Variants in RGS7 observed in about 807,000 individuals in gnomAD.
RGS7 encodes the protein regulator of G protein signaling 7.
RGS7 carries 27 observed loss-of-function variants against 81.1 expected under a neutral mutation model. That is an observed-to-expected ratio of 0.33 (90% CI 0.25 to 0.46). RGS7 has a LOEUF of 0.46. Among genes scored for constraint, RGS7 ranks in the 20% least tolerant of loss-of-function variants. The pLI is 1.00. For synonymous variants in RGS7, 208 were observed against 207.7 expected (o/e 1.00, Z -0.01); for missense variants, 396 against 607.4 (o/e 0.65, Z 3.66).
rs68166816 is a variant in RGS7 at position 241,162,222 on chromosome 1, G to GCGCCCCCCCCCCCCGCCCC, written c.79-63461_79-63460insGGGGCGGGGGGGGGGGGCG. Among the ~76,000 whole-genome samples, 24 of 142,118 alleles carry GCGCCCCCCCCCCCCGCCCC rather than the reference G, an allele frequency of 1.7e-4. 1 individual carries two copies. In the South Asian group the frequency reaches 2.2e-3, roughly 13 times the overall value. 93.2% of individuals were successfully genotyped at this position (142,118 alleles called of 152,430 possible). A position where few individuals can be genotyped will look rare whatever the true frequency, so the allele number is the denominator to read the frequency against. Reference sequence around the variant, plus strand: ...ATAAAACACCTGAAACTGGTGATCAGCTTCCAAATAAGATCTCAGAAGTTG... The same window carrying GCGCCCCCCCCCCCCGCCCC: ...ATAAAACACCTGAAACTGGTGATCAGCGCCCCCCCCCCCCGCCCCCTTCCAAATAAGATCTCAGAAGTTG... On this transcript the variant is annotated intron_variant, in intron 2 of 18. Coordinates refer to ENST00000440928, the MANE Select transcript of RGS7 (RefSeq NM_001364886.1).
intron 4 of RGS7, among the ~76,000 whole-genome samples, chr1:240,982,318 A>C (rs979980636): frequency 1.0e-4 from 15 of 146,116 alleles, no homozygotes; most frequent in African/African-American, 3.8e-4. Context: ...GCTACTCGGG[A>C]GGCTGAGGCA....
intron 5 of RGS7, among the ~76,000 whole-genome samples, chr1:240,933,644 C>A (rs1240350525): frequency 6.6e-6 from 1 of 151,916 alleles, no homozygotes; most frequent in Non-Finnish European, 1.5e-5. Context: ...CATTTTAATG[C>A]ATGAGTTTCT....
intron 3 of RGS7, among the ~76,000 whole-genome samples, chr1:241,070,340 A>T (rs946545534): frequency 6.6e-6 from 1 of 151,164 alleles, no homozygotes; most frequent in African/African-American, 2.4e-5. Context: ...AAAAAAAAAA[A>T]GCACTAGCCA....
rs71172665 is a variant in RGS7, at chr1:240,960,232, T to TTTTTTG, written c.226+22846_226+22847insCAAAAA. Among the ~76,000 whole-genome samples, 459 of 70,234 alleles carry TTTTTTG rather than the reference T, an allele frequency of 6.5e-3. 6 individuals are homozygous for TTTTTTG. The highest frequency in any genetic ancestry group is 0.019 in the African/African-American group (431 of 22,328). The allele number at this position is 70,234 out of a possible 152,430, so 46.1% of individuals were successfully genotyped here. A position where few individuals can be genotyped will look rare whatever the true frequency, so the allele number is the denominator to read the frequency against. On this transcript the variant is annotated intron_variant, in intron 4 of 18. Coordinates refer to ENST00000440928, the MANE Select transcript of RGS7 (RefSeq NM_001364886.1). The stretch of plus-strand genomic sequence containing the variant: ...TCTTCTTCTTCTTTTTTTTTTTTTT[T>TTTTTTG]TTGTTGTTGTTGTTGTTGGGGTTTT...
At chr1:241,113,257 G>A (rs4306111) in intron 2 of RGS7, among the ~76,000 whole-genome samples, 75,622 of 151,874 alleles carry the variant, frequency 0.5, 21,745 homozygotes, top group African/African-American at 0.81. Context: ...AAAATAAAAA[G>A]GTACCTCACT....
At chr1:241,115,435 T>G (rs1052293205) in intron 2 of RGS7, among the ~76,000 whole-genome samples, 9 of 152,214 alleles carry the variant, frequency 5.9e-5, no homozygotes, top group African/African-American at 1.7e-4. Context: ...ATGATTTCTT[T>G]CAGGAGGCAT....
At chr1:240,966,764 G>T (rs1462264192) in intron 4 of RGS7, among the ~76,000 whole-genome samples, 5 of 152,146 alleles carry the variant, frequency 3.3e-5, no homozygotes, top group Non-Finnish European at 7.3e-5. Context: ...TCTATGTCAT[G>T]AAGGGTCAAG....
intron 2 of RGS7, among the ~76,000 whole-genome samples, chr1:241,300,247 T>A (rs780576885): frequency 5.9e-5 from 9 of 152,156 alleles, no homozygotes; most frequent in Admixed American, 5.9e-4. Flanking sequence ...AGTGGTACAT[T>A]TATTACAATC....
intron 2 of RGS7, among the ~76,000 whole-genome samples, chr1:241,273,176 C>CCT (rs1553305841): frequency 8.3e-5 from 1 of 12,088 alleles, no homozygotes; most frequent in Non-Finnish European, 1.8e-4. Flanking sequence ...TAATAATGAA[C>CCT]CCCCCCCCCC....
chr1:240,810,933 C>T (rs1433443803), intron 14 of RGS7, among the ~76,000 whole-genome samples: 3 of 152,192 alleles, frequency 2.0e-5, no homozygotes, highest in Admixed American at 2.0e-4. Context: ...GCCAGGCACA[C>T]ACAGAGAGTT....
chr1:240,859,939 T>C (rs1661893830), intron 9 of RGS7, among the ~76,000 whole-genome samples: 1 of 152,228 alleles, frequency 6.6e-6, no homozygotes, highest in Non-Finnish European at 1.5e-5. Flanking sequence ...TATTTTTATA[T>C]TTCTCTTGAG....
In RGS7 at chr1:241,137,152, A is replaced by G. The variant is rs578006335; in HGVS notation, c.79-38390T>C. Among the ~76,000 whole-genome samples, 118 of 151,454 alleles carry G rather than the reference A, an allele frequency of 7.8e-4. 1 individual carries two copies. Among genetic ancestry groups the G allele is most frequent in the Admixed American group, 2.7e-3 (41 of 15,238 alleles). On this transcript the variant is annotated intron_variant, in intron 2 of 18. Transcript: ENST00000440928. ...TCCTACTCCTTCCTCTCTCCCCTCA[A>G]CTCTGGGATCTATGTTGTTCAATGT...
At chr1:241,102,012 C>T (rs76281279) in intron 2 of RGS7, among the ~76,000 whole-genome samples, 8,063 of 152,138 alleles carry the variant, frequency 0.053, 394 homozygotes, top group African/African-American at 0.13. Flanking sequence ...TGGTTGTATT[C>T]CAAAATATTC....
chr1:241,269,244 C>T (rs1052625950), intron 2 of RGS7, among the ~76,000 whole-genome samples: 5 of 152,320 alleles, frequency 3.3e-5, no homozygotes, highest in African/African-American at 4.8e-5. Flanking sequence ...TGGCTGAACA[C>T]GATAGGAGGG....
At chr1:241,050,942 T>C (rs901044006) in intron 3 of RGS7, among the ~76,000 whole-genome samples, 1 of 152,144 alleles carries the variant, frequency 6.6e-6, no homozygotes, top group East Asian at 1.9e-4. Context: ...AGCCAAGCTT[T>C]TGGGGAGTCA....
intron 6 of RGS7, among the ~76,000 whole-genome samples, chr1:240,876,999 A>C (rs577278622): frequency 4.9e-4 from 75 of 152,258 alleles, no homozygotes; most frequent in African/African-American, 1.8e-3. Flanking sequence ...CCATAATTCT[A>C]GGACTTGCTT....
intron 14 of RGS7, among the ~76,000 whole-genome samples, chr1:240,806,542 T>TAATAAAAATATTTTAAAAATATA (rs1425787834): frequency 4.0e-5 from 6 of 148,192 alleles, no homozygotes; most frequent in Non-Finnish European, 9.0e-5. Context: ...ATAAAAATAT[T>TAATAAAAATATTTTAAAAATATA]AATAAAAATA....
chr1:240,792,341 G>A (rs965447411), intron 18 of RGS7, among the ~76,000 whole-genome samples: 1 of 152,156 alleles, frequency 6.6e-6, no homozygotes, highest in East Asian at 1.9e-4. Context: ...GACTACAGTA[G>A]CTGCTGATGC....
intron 2 of RGS7, among the ~76,000 whole-genome samples, chr1:241,157,248 G>T (rs2069236388): frequency 6.6e-6 from 1 of 152,178 alleles, no homozygotes; most frequent in Admixed American, 6.5e-5. Flanking sequence ...CTCTGCTCCT[G>T]CTGAATGCCC....
Sources: gnomAD v4.1 joint callset for allele counts (sites outside exome capture counted in the v4.1 genomes callset) on GRCh38, gnomAD v4.1.1 for gene constraint, MANE v1.5 for transcripts, NCBI Gene and HGNC (gene_info 2026-07-23, HGNC 2026-07-21) for gene names.